PCDH15: variants seen among roughly 807,000 people sequenced by gnomAD.
The protein encoded by PCDH15 is protocadherin-15.
In PCDH15, 129 loss-of-function variants were observed where a neutral mutation model predicts 178.5. The ratio of observed to expected loss-of-function variants is 0.72; its 90% confidence interval spans 0.63 to 0.84. The LOEUF (loss-of-function observed/expected upper bound fraction) is 0.84. PCDH15 is among the 40% of genes least tolerant of loss of function. PCDH15 has a pLI of 0.00. For synonymous variants in PCDH15, 800 were observed against 732.0 expected, an observed-to-expected ratio of 1.09 and a Z score of -1.50; for missense variants, 2,230 against 2,099.9, an observed-to-expected ratio of 1.06 and a Z score of -1.21.
At chr10:54,628,364 T>C (rs1440650064) in intron 2 of PCDH15, among the ~76,000 whole-genome samples, 2 of 152,238 alleles carry the variant, frequency 1.3e-5, no homozygotes, top group East Asian at 1.9e-4. Flanking sequence ...TGATCTTTCA[T>C]GTGACTTTCT....
intron 13 of PCDH15, among the ~76,000 whole-genome samples, chr10:54,165,295 C>T (rs772875629): frequency 5.3e-5 from 8 of 152,114 alleles, no homozygotes; most frequent in Non-Finnish European, 1.2e-4. Flanking sequence ...AAATTTATCA[C>T]TTTGGTTGTA....
chr10:53,831,705 A>G (rs75314397), intron 29 of PCDH15, among the ~76,000 whole-genome samples, 172 bp from the exon 30 acceptor site: 1 of 145,204 alleles, frequency 6.9e-6, no homozygotes, highest in Non-Finnish European at 1.5e-5. Flanking sequence ...GCAATAAAGA[A>G]GAGGAGTAAT....
chr10:54,625,889 C>T (rs2093532105), intron 2 of PCDH15, among the ~76,000 whole-genome samples: 1 of 152,080 alleles, frequency 6.6e-6, no homozygotes, highest in African/African-American at 2.4e-5. Context: ...TTGGAACTCC[C>T]TAGAGACTTG....
chr10:53,943,361 A>G (rs1455195036), intron 23 of PCDH15, among the ~76,000 whole-genome samples: 2 of 152,044 alleles, frequency 1.3e-5, no homozygotes, highest in Non-Finnish European at 1.5e-5. Context: ...CTATAGTCCC[A>G]GCTACTCGGG....
chr10:54,885,652 T>C (rs1340040026), intron 3 of PCDH15, among the ~76,000 whole-genome samples: 1 of 152,120 alleles, frequency 6.6e-6, no homozygotes, highest in Non-Finnish European at 1.5e-5. Context: ...CAAACTCATC[T>C]GGACACCAAA....
intron 1 of PCDH15, among the ~76,000 whole-genome samples, chr10:54,797,156 CA>C (rs1952117340): frequency 6.6e-6 from 1 of 151,958 alleles, no homozygotes; most frequent in Non-Finnish European, 1.5e-5. Flanking sequence ...AATGACTTTT[CA>C]AAGTAATAGG....
At chr10:55,194,705 C>T (rs1010037330) in intron 1 of PCDH15, among the ~76,000 whole-genome samples, 6 of 151,858 alleles carry the variant, frequency 4.0e-5, no homozygotes, top group African/African-American at 1.5e-4. Context: ...GAAATATATA[C>T]TAGACATATA....
At chr10:54,267,081 AT>A (rs2132409985) in intron 8 of PCDH15, among the ~76,000 whole-genome samples, 1 of 151,824 alleles carries the variant, frequency 6.6e-6, no homozygotes, top group South Asian at 2.1e-4. Flanking sequence ...AGATAATACA[AT>A]ATCAAGTGAA....
intron 8 of PCDH15, among the ~76,000 whole-genome samples, chr10:54,262,333 A>G (rs1178184983): frequency 2.0e-5 from 3 of 152,100 alleles, no homozygotes; most frequent in Non-Finnish European, 4.4e-5. Flanking sequence ...GATAGGCCCC[A>G]TCACCCATGC....
chr10:54,567,791 T>C (rs2089258001), intron 2 of PCDH15, among the ~76,000 whole-genome samples: 1 of 152,072 alleles, frequency 6.6e-6, no homozygotes, highest in African/African-American at 2.4e-5. Flanking sequence ...GATATCCAAG[T>C]AACTTTATTG....
intron 2 of PCDH15, among the ~76,000 whole-genome samples, chr10:55,499,166 G>C (rs941849295): frequency 6.6e-6 from 1 of 151,668 alleles, no homozygotes; most frequent in African/African-American, 2.4e-5. Context: ...CTGAGCAGGG[G>C]AAATAGCTTA....
intron 3 of PCDH15, among the ~76,000 whole-genome samples, chr10:54,856,345 T>C (rs1424732566): frequency 6.6e-6 from 1 of 152,132 alleles, no homozygotes; most frequent in Non-Finnish European, 1.5e-5. Context: ...AAAAGCACAA[T>C]ATCACTTTCT....
At chr10:53,842,857 T>C (rs1389085721) in intron 28 of PCDH15, among the ~76,000 whole-genome samples, 1 of 152,180 alleles carries the variant, frequency 6.6e-6, no homozygotes, top group Non-Finnish European at 1.5e-5. Context: ...TCTGTCCCAA[T>C]ACTTTGGTCT....
chr10:54,301,281 T>C (rs2048563157), intron 8 of PCDH15, among the ~76,000 whole-genome samples: 1 of 152,178 alleles, frequency 6.6e-6, no homozygotes, highest in Non-Finnish European at 1.5e-5. Context: ...GTAAGACACA[T>C]ATTTACAAGC....
intron 2 of PCDH15, among the ~76,000 whole-genome samples, chr10:54,595,958 T>C (rs2092213366): frequency 6.6e-6 from 1 of 151,960 alleles, no homozygotes; most frequent in South Asian, 2.1e-4. Flanking sequence ...CCAGGAAATA[T>C]AGGAATATAT....
chr10:54,350,542 A>G (rs1371123322), intron 5 of PCDH15, among the ~76,000 whole-genome samples: 1 of 152,246 alleles, frequency 6.6e-6, no homozygotes, highest in East Asian at 1.9e-4. Flanking sequence ...TGAGGCTAAT[A>G]TGAGAGAAAT....
At chr10:55,314,480 C>T (rs988097736) in intron 1 of PCDH15, among the ~76,000 whole-genome samples, 3 of 151,642 alleles carry the variant, frequency 2.0e-5, no homozygotes, top group Non-Finnish European at 2.9e-5. Flanking sequence ...GTCATTCATT[C>T]TTGGGTTAAC....
chr10:54,796,259 TATCTATC>T (rs1951970625), intron 1 of PCDH15, among the ~76,000 whole-genome samples: 5 of 110,680 alleles, frequency 4.5e-5, no homozygotes, highest in Non-Finnish European at 7.4e-5. Flanking sequence ...TCTATCTATC[TATCTATC>T]TATCTATGTA....
chr10:54,671,878 T>C (rs1305289449), intron 1 of PCDH15, among the ~76,000 whole-genome samples: 5 of 152,146 alleles, frequency 3.3e-5, no homozygotes, highest in Non-Finnish European at 7.3e-5. Flanking sequence ...GTCCATGGCC[T>C]GTTAGGAACC....
Sources: allele counts gnomAD v4.1 joint callset (sites outside exome capture counted in the v4.1 genomes callset), GRCh38; gene constraint gnomAD v4.1.1; transcripts MANE v1.5; gene names NCBI Gene and HGNC (gene_info 2026-07-23, HGNC 2026-07-21).